GALNT13: variants seen among roughly 807,000 people sequenced by gnomAD.
GALNT13 encodes polypeptide N-acetylgalactosaminyltransferase 13, also known as UDP-GalNAc:polypeptide N-acetylgalactosaminyltransferase 13.
Under a neutral mutation model 64.2 loss-of-function variants are expected in GALNT13, and 28 were observed. The observed-to-expected ratio is 0.44, with a 90% CI of 0.32 to 0.60. GALNT13 has a LOEUF of 0.60. GALNT13 is among the 20% of genes least tolerant of loss of function. The probability of loss-of-function intolerance (pLI) is 0.05; values close to 1 mark genes in which losing one functional copy is unlikely to be tolerated. For synonymous variants in GALNT13, 214 were observed against 224.6 expected, an observed-to-expected ratio of 0.95 and a Z score of 0.42; for missense variants, 577 against 669.8, an observed-to-expected ratio of 0.86 and a Z score of 1.53.
At chr2:153,076,765 G>A in the GALNT13 span, among the ~76,000 whole-genome samples, 1 of 151,830 alleles carries the variant, frequency 6.6e-6, no homozygotes, top group Non-Finnish European at 1.5e-5. Flanking sequence ...TCCATGTCTA[G>A]ATTTTCAGCT....
intron 6 of GALNT13, among the ~76,000 whole-genome samples, chr2:154,244,643 G>A (rs1689677216): frequency 6.6e-6 from 1 of 152,094 alleles, no homozygotes; most frequent in South Asian, 2.1e-4. Flanking sequence ...ATTTGAGTAG[G>A]CCTGAACATT....
At chr2:153,194,833 T>C in the GALNT13 span, among the ~76,000 whole-genome samples, 1 of 152,332 alleles carries the variant, frequency 6.6e-6, no homozygotes, top group South Asian at 2.1e-4. Flanking sequence ...GTATGATTAC[T>C]TTGGCTGTAA....
chr2:154,062,725 G>A (rs559159428), intron 3 of GALNT13, among the ~76,000 whole-genome samples: 1 of 152,248 alleles, frequency 6.6e-6, no homozygotes, highest in South Asian at 2.1e-4. Context: ...ATTACAATTC[G>A]ACATGAGATT....
the GALNT13 span, among the ~76,000 whole-genome samples, chr2:153,388,262 C>G: frequency 6.6e-6 from 1 of 152,042 alleles, no homozygotes; most frequent in Non-Finnish European, 1.5e-5. Context: ...CAAATGGTAG[C>G]AGTGTTTTCA....
chr2:154,152,416 A>G lies in GALNT13; in HGVS notation c.311+11911A>G, dbSNP rs1366885436. Among the ~76,000 whole-genome samples the G allele has an allele frequency of 1.3e-5, 2 of 152,028 alleles. 1 individual carries two copies. On this transcript the variant is annotated intron_variant, in intron 4 of 12. Coordinates refer to ENST00000392825, the MANE Select transcript of GALNT13 (RefSeq NM_052917.4). ...ATCTGACAATTATGTGTCTTGGAGT[A>G]GCTCTTCTTGAGGAGTATCTTTGTG... is the stretch of plus-strand genomic sequence containing the variant.
the GALNT13 span, among the ~76,000 whole-genome samples, chr2:153,561,818 G>C: frequency 6.6e-6 from 1 of 151,882 alleles, no homozygotes; most frequent in Non-Finnish European, 1.5e-5. Context: ...TTTTGAATTG[G>C]AGTAATACAA....
chr2:153,414,039 A>C, the GALNT13 span, among the ~76,000 whole-genome samples: 1 of 152,290 alleles, frequency 6.6e-6, no homozygotes, highest in South Asian at 2.1e-4. Context: ...CTTTCGGAAT[A>C]AGCTTTATGA....
At chr2:154,132,749 G>T (rs1284524924) in intron 3 of GALNT13, among the ~76,000 whole-genome samples, 2 of 151,998 alleles carry the variant, frequency 1.3e-5, no homozygotes, top group African/African-American at 4.8e-5. Context: ...AAAAAAATTA[G>T]CTGGGCGTGC....
the GALNT13 span, among the ~76,000 whole-genome samples, chr2:153,202,134 G>A: frequency 1.3e-5 from 2 of 151,484 alleles, no homozygotes; most frequent in Admixed American, 6.6e-5. Flanking sequence ...ACAGGCGCCC[G>A]CCACCGCGCC....
At chr2:153,305,064 G>A in the GALNT13 span, among the ~76,000 whole-genome samples, 3 of 151,992 alleles carry the variant, frequency 2.0e-5, no homozygotes, top group Non-Finnish European at 4.4e-5. Flanking sequence ...TTTGATTCAG[G>A]CATTCAAAAA....
At chr2:154,253,509 A>G (rs571391735) in intron 7 of GALNT13, among the ~76,000 whole-genome samples, 8 of 152,288 alleles carry the variant, frequency 5.3e-5, no homozygotes, top group South Asian at 4.1e-4. Context: ...CTAAAATACT[A>G]TCACAAACTA....
chr2:153,776,236 T>A, the GALNT13 span, among the ~76,000 whole-genome samples: 1 of 152,190 alleles, frequency 6.6e-6, no homozygotes, highest in Non-Finnish European at 1.5e-5. Context: ...AAGTAAAATA[T>A]TTTTGAAAAT....
chr2:153,914,122 G>C (rs1689168502), intron 2 of GALNT13, among the ~76,000 whole-genome samples: 1 of 152,076 alleles, frequency 6.6e-6, no homozygotes, highest in African/African-American at 2.4e-5. Flanking sequence ...AAATCTTATA[G>C]CTTTATTGTA....
intron 3 of GALNT13, among the ~76,000 whole-genome samples, chr2:154,121,797 G>A (rs569860563): frequency 4.0e-5 from 6 of 151,824 alleles, no homozygotes; most frequent in Non-Finnish European, 8.8e-5. Context: ...TCATGTGCAA[G>A]TAATGACAAT....
the GALNT13 span, among the ~76,000 whole-genome samples, chr2:153,406,765 C>G: frequency 6.6e-6 from 1 of 152,164 alleles, no homozygotes; most frequent in Non-Finnish European, 1.5e-5. Context: ...TTAATTTTCT[C>G]TTTAAGTAGT....
chr2:153,447,307 G>A, the GALNT13 span, among the ~76,000 whole-genome samples: 1 of 152,148 alleles, frequency 6.6e-6, no homozygotes, highest in African/African-American at 2.4e-5. Flanking sequence ...CCATAGCTAA[G>A]CTCTCATAGC....
the GALNT13 span, among the ~76,000 whole-genome samples, chr2:153,739,991 A>G: frequency 6.6e-6 from 1 of 151,956 alleles, no homozygotes; most frequent in Non-Finnish European, 1.5e-5. Context: ...TTTTCTTCAT[A>G]AAAATTCTAT....
At chr2:154,436,729 T>TA (rs1237718977) in intron 11 of GALNT13, 7 of 152,282 alleles carry the variant, frequency 4.6e-5, no homozygotes, top group African/African-American at 1.4e-4. Flanking sequence ...ATGTTCTTCA[T>TA]AAAAAACATA....
chr2:154,285,148 A>G (rs1240438235), intron 8 of GALNT13, among the ~76,000 whole-genome samples: 2 of 152,164 alleles, frequency 1.3e-5, no homozygotes, highest in Non-Finnish European at 2.9e-5. Context: ...TGGTTTGCAT[A>G]TATTTTCTCC....
Sources: allele counts gnomAD v4.1 joint callset (sites outside exome capture counted in the v4.1 genomes callset), GRCh38; gene constraint gnomAD v4.1.1; transcripts MANE v1.5; gene names NCBI Gene and HGNC (gene_info 2026-07-23, HGNC 2026-07-21).